Variants in CSMD1 observed in about 807,000 individuals in gnomAD.
CSMD1 encodes the protein CUB and sushi domain-containing protein 1.
CSMD1 carries 213 observed loss-of-function variants against 417.5 expected under a neutral mutation model. That is an observed-to-expected ratio of 0.51 (90% CI 0.46 to 0.57). CSMD1 has a LOEUF of 0.57. Ranked by LOEUF, CSMD1 falls within the 20% of genes least tolerant of loss-of-function variation. The pLI is 0.00. For missense variants in CSMD1, 6,923 were observed against 4,529.7 expected, an observed-to-expected ratio of 1.53 and a Z score of -15.17; for synonymous variants, 2,862 against 1,736.8, an observed-to-expected ratio of 1.65 and a Z score of -16.11.
intron 5 of CSMD1, among the ~76,000 whole-genome samples, chr8:3,954,825 C>G (rs534703763): frequency 1.3e-5 from 2 of 152,104 alleles, no homozygotes; most frequent in African/African-American, 4.8e-5. Context: ...AGCGAGCATG[C>G]GCAGTGTGGC....
intron 10 of CSMD1, among the ~76,000 whole-genome samples, chr8:3,506,339 G>C (rs1481929581): frequency 6.6e-6 from 1 of 152,180 alleles, no homozygotes; most frequent in African/African-American, 2.4e-5. Context: ...GAGACAAGGA[G>C]GCTTGCCGGA....
intron 1 of CSMD1, among the ~76,000 whole-genome samples, chr8:4,964,293 T>G (rs1201397546): frequency 6.6e-6 from 1 of 151,554 alleles, no homozygotes; most frequent in African/African-American, 2.4e-5. Flanking sequence ...GGGGGCAAAT[T>G]GCTTAAGTCC....
rs869248314 is a variant in CSMD1, at chr8:3,565,131, C to CAAAAAAAAA, written c.1344+9805_1344+9813dup. Reference sequence around the variant, plus strand: ...TACTTAACTCTGTAGTGCAAGACAGCAAAAAAAAAAAAAAAAAAAAAAAAA... The same window carrying CAAAAAAAAA: ...TACTTAACTCTGTAGTGCAAGACAGCAAAAAAAAAAAAAAAAAAAAAAAAAAAAAAAAAA... On this transcript the variant is annotated intron_variant, in intron 10 of 69. Transcript: ENST00000635120. 8.4e-3 allele frequency among the ~76,000 whole-genome samples: 88 copies of CAAAAAAAAA among 10,448 alleles called. 9 individuals carry two copies. The highest frequency in any genetic ancestry group is 0.027 in the Admixed American group (10 of 370). 6.9% of individuals were successfully genotyped at this position (10,448 alleles called of 152,430 possible). A position where few individuals can be genotyped will look rare whatever the true frequency, so the allele number is the denominator to read the frequency against.
intron 5 of CSMD1, among the ~76,000 whole-genome samples, chr8:3,916,328 T>C (rs1808827570): frequency 6.6e-6 from 1 of 152,184 alleles, no homozygotes; most frequent in Non-Finnish European, 1.5e-5. Context: ...GCCGGATATT[T>C]ATATAGCATG....
chr8:4,308,817 T>C (rs944343330), intron 3 of CSMD1, among the ~76,000 whole-genome samples: 2 of 152,204 alleles, frequency 1.3e-5, no homozygotes, highest in African/African-American at 4.8e-5. Flanking sequence ...TGCTATTGTT[T>C]CCTTCATTTA....
chr8:4,449,229 C>T (rs1478513988), intron 2 of CSMD1, among the ~76,000 whole-genome samples: 1 of 152,182 alleles, frequency 6.6e-6, no homozygotes, highest in Non-Finnish European at 1.5e-5. Context: ...AGAATAATTA[C>T]ACTGTCTATG....
chr8:4,245,500 A>G (rs1443246026), intron 3 of CSMD1, among the ~76,000 whole-genome samples: 1 of 152,116 alleles, frequency 6.6e-6, no homozygotes, highest in African/African-American at 2.4e-5. Context: ...GAAGAGCCTA[A>G]GGTTGGATGT....
At chr8:4,140,144 G>A (rs74342119) in intron 3 of CSMD1, among the ~76,000 whole-genome samples, 44,058 of 150,194 alleles carry the variant, frequency 0.29, 8,252 homozygotes, top group Non-Finnish European at 0.39. Flanking sequence ...CTTGAGCCCA[G>A]GGGTTTGCGA....
chr8:4,333,924 C>G (rs10108980), intron 3 of CSMD1, among the ~76,000 whole-genome samples: 1 of 151,962 alleles, frequency 6.6e-6, no homozygotes, highest in Admixed American at 6.6e-5. Flanking sequence ...AAAGTTCTCA[C>G]TCTGTCATCC....
intron 3 of CSMD1, among the ~76,000 whole-genome samples, chr8:4,188,562 T>C (rs1798819991): frequency 6.6e-6 from 1 of 152,108 alleles, no homozygotes; most frequent in Non-Finnish European, 1.5e-5. Context: ...CAGTATGAGG[T>C]AGACACTGTC....
chr8:3,615,491 A>G (rs1452144300), intron 8 of CSMD1, among the ~76,000 whole-genome samples: 4 of 152,200 alleles, frequency 2.6e-5, no homozygotes, highest in Non-Finnish European at 2.9e-5. Context: ...TTAATATATT[A>G]GTCAAGATGT....
intron 10 of CSMD1, among the ~76,000 whole-genome samples, chr8:3,521,525 G>T (rs1017487623): frequency 6.6e-6 from 1 of 152,108 alleles, no homozygotes; most frequent in Non-Finnish European, 1.5e-5. Context: ...ATCTGCCTGA[G>T]TATCTTATCT....
At chr8:4,237,521 G>T (rs553869772) in intron 3 of CSMD1, among the ~76,000 whole-genome samples, 111 of 139,390 alleles carry the variant, frequency 8.0e-4, no homozygotes, top group African/African-American at 2.7e-3. Context: ...ATGCTATACT[G>T]CAGTCAATAC....
chr8:4,047,303 A>T (rs559101878), intron 3 of CSMD1, among the ~76,000 whole-genome samples: 1 of 152,186 alleles, frequency 6.6e-6, no homozygotes, highest in Non-Finnish European at 1.5e-5. Flanking sequence ...AGAGAGACAT[A>T]AAGTGGAATA....
At chr8:3,715,677 G>C (rs923589988) in intron 6 of CSMD1, among the ~76,000 whole-genome samples, 6 of 152,032 alleles carry the variant, frequency 3.9e-5, no homozygotes, top group African/African-American at 1.2e-4. Flanking sequence ...TGAGTAGCCG[G>C]GATTACAGGC....
chr8:3,982,925 G>T (rs572102575), intron 5 of CSMD1, among the ~76,000 whole-genome samples: 1 of 151,980 alleles, frequency 6.6e-6, no homozygotes, highest in Non-Finnish European at 1.5e-5. Flanking sequence ...AATAGATATT[G>T]TTATATGCAC....
At chr8:3,966,764 C>CGT (rs1812705582) in intron 5 of CSMD1, among the ~76,000 whole-genome samples, 1 of 151,814 alleles carries the variant, frequency 6.6e-6, no homozygotes, top group African/African-American at 2.4e-5. Flanking sequence ...CGCGCGCGCG[C>CGT]GCACACACAC....
At chr8:4,518,773 A>C (rs1803265910) in intron 2 of CSMD1, among the ~76,000 whole-genome samples, 2 of 152,076 alleles carry the variant, frequency 1.3e-5, no homozygotes, top group South Asian at 4.1e-4. Context: ...AATAATAATA[A>C]AATAAAATTT....
intron 1 of CSMD1, among the ~76,000 whole-genome samples, chr8:4,873,291 C>T (rs961584625): frequency 2.0e-5 from 3 of 152,066 alleles, no homozygotes; most frequent in East Asian, 1.9e-4. Flanking sequence ...CTAAAAAATG[C>T]CTTTTAAAAT....
Sources: gnomAD v4.1 joint callset for allele counts (sites outside exome capture counted in the v4.1 genomes callset) on GRCh38, gnomAD v4.1.1 for gene constraint, MANE v1.5 for transcripts, NCBI Gene and HGNC (gene_info 2026-07-23, HGNC 2026-07-21) for gene names.